ZNF536: variants seen among roughly 807,000 people sequenced by gnomAD.
ZNF536 encodes zinc finger protein 536.
Under a neutral mutation model 84.5 loss-of-function variants are expected in ZNF536, and 13 were observed. That is an observed-to-expected ratio of 0.15 (90% confidence interval 0.10 to 0.24). The LOEUF (loss-of-function observed/expected upper bound fraction) is 0.24. ZNF536 is among the 10% of genes least tolerant of loss of function. The pLI, the probability that ZNF536 is intolerant of heterozygous loss-of-function variation, is 1.00. For synonymous variants in ZNF536, 811 were observed against 742.5 expected (o/e 1.09, Z -1.50); for missense variants, 1,536 against 1,747.5 (o/e 0.88, Z 2.16).
chr19:30,458,314 TC>T (rs956326468), intron 2 of ZNF536, among the ~76,000 whole-genome samples: 18 of 152,172 alleles, frequency 1.2e-4, no homozygotes, highest in African/African-American at 4.3e-4. Context: ...TTTCAATGTT[TC>T]CCCCACCTTT....
chr19:30,601,696 G>A (rs1299328971), intron 1 of ZNF536, among the ~76,000 whole-genome samples: 1 of 152,172 alleles, frequency 6.6e-6, no homozygotes, highest in African/African-American at 2.4e-5. Context: ...CTAGCAGCAA[G>A]AGGCATAATT....
intron 1 of ZNF536, among the ~76,000 whole-genome samples, chr19:30,249,463 C>T (rs527687392): frequency 6.6e-6 from 1 of 152,220 alleles, no homozygotes; most frequent in Admixed American, 6.5e-5. Context: ...TTTACTGAAT[C>T]TTCAGCAGTC....
chr19:30,315,602 A>T (rs2046653050), intron 2 of ZNF536, among the ~76,000 whole-genome samples: 1 of 152,162 alleles, frequency 6.6e-6, no homozygotes, highest in Non-Finnish European at 1.5e-5. Context: ...AGTGTAGTTG[A>T]TTTCACTGAA....
At chr19:30,334,209 A>G (rs1600261399) in intron 2 of ZNF536, among the ~76,000 whole-genome samples, 1 of 152,220 alleles carries the variant, frequency 6.6e-6, no homozygotes, top group East Asian at 1.9e-4. Flanking sequence ...TGCATGTAGA[A>G]AGAGTCATGA....
At chr19:30,698,255 G>A (rs2051745774) in intron 1 of ZNF536, among the ~76,000 whole-genome samples, 1 of 150,824 alleles carries the variant, frequency 6.6e-6, no homozygotes, top group Non-Finnish European at 1.5e-5. Context: ...CTGCGCCACT[G>A]TACTCCAGCC....
At chr19:30,457,246 G>A (rs915453883) in intron 2 of ZNF536, among the ~76,000 whole-genome samples, 2 of 152,176 alleles carry the variant, frequency 1.3e-5, no homozygotes, top group African/African-American at 2.4e-5. Flanking sequence ...TTAGCTCAGC[G>A]ACTTCTTTGG....
chr19:30,367,396 A>G (rs1208000064), upstream of ZNF536, among the ~76,000 whole-genome samples: 2 of 152,202 alleles, frequency 1.3e-5, no homozygotes, highest in Admixed American at 6.5e-5. Context: ...TCATCTGACT[A>G]CCAAAGCCAT....
chr19:30,519,081 C>T (rs1302487244), intron 2 of ZNF536, among the ~76,000 whole-genome samples: 2 of 152,222 alleles, frequency 1.3e-5, no homozygotes, highest in Non-Finnish European at 2.9e-5. Flanking sequence ...CCAGGCAGAA[C>T]GAACGGCCTG....
Position 30,399,679 on chromosome 19 carries a change from G to GTTT in ZNF536, c.-3+27139_-3+27141dup, listed in dbSNP as rs71171801. Among the ~76,000 whole-genome samples, 567 of 112,828 alleles carry GTTT rather than the reference G, an allele frequency of 5.0e-3. 17 individuals are homozygous for GTTT. Among genetic ancestry groups the GTTT allele is most frequent in the East Asian group, 0.032 (128 of 4,050 alleles). 74.0% of individuals were successfully genotyped at this position (112,828 alleles called of 152,430 possible). On this transcript the variant is annotated intron_variant, in intron 1 of 4. Transcript: ENST00000355537. ...CAACACCATTTATTAAATAAGAAAT[G>GTTT]TTTTTTTTTTTTTTTTTTGAGATGG... is the stretch of plus-strand genomic sequence containing the variant.
chr19:30,436,579 TGAAA>T, intron 1 of ZNF536: 1 of 883,942 alleles, frequency 1.1e-6, no homozygotes, highest in Non-Finnish European at 1.4e-6. Context: ...TTAATGACCC[TGAAA>T]AGGTTCAGTA....
intron 1 of ZNF536, among the ~76,000 whole-genome samples, chr19:30,589,266 C>T (rs1244237702): frequency 8.5e-5 from 13 of 152,158 alleles, no homozygotes; most frequent in Admixed American, 7.2e-4. Flanking sequence ...CTGCATTGCC[C>T]GAGGTCCCTC....
intron 2 of ZNF536, among the ~76,000 whole-genome samples, chr19:30,317,512 G>T (rs1335809818): frequency 6.6e-6 from 1 of 152,166 alleles, no homozygotes; most frequent in Non-Finnish European, 1.5e-5. Context: ...CGAGGAGTGG[G>T]TGCCTCTGTT....
chr19:30,708,076 T>G (rs34819865), intron 1 of ZNF536, among the ~76,000 whole-genome samples: 47,629 of 150,888 alleles, frequency 0.32, 7,691 homozygotes, highest in East Asian at 0.43. Flanking sequence ...GATACAAGAA[T>G]ATAATTAATA....
upstream of ZNF536, among the ~76,000 whole-genome samples, chr19:30,370,096 C>T (rs1437938764): frequency 6.6e-6 from 1 of 152,170 alleles, no homozygotes; most frequent in Non-Finnish European, 1.5e-5. Flanking sequence ...TTAGAGAAGG[C>T]AGACACTTCA....
At chr19:30,570,212 T>C (rs866334482) in intron 1 of ZNF536, among the ~76,000 whole-genome samples, 11 of 152,164 alleles carry the variant, frequency 7.2e-5, no homozygotes, top group Admixed American at 1.3e-4. Flanking sequence ...GCCATGCAGC[T>C]CACACCACGG....
intron 2 of ZNF536, among the ~76,000 whole-genome samples, chr19:30,324,696 TTG>T (rs1435076187): frequency 6.6e-6 from 1 of 152,230 alleles, no homozygotes; most frequent in Non-Finnish European, 1.5e-5. Context: ...CTGACTTTCC[TTG>T]TGTTCTAATG....
intron 1 of ZNF536, among the ~76,000 whole-genome samples, chr19:30,266,483 G>T (rs1434852735): frequency 6.6e-6 from 1 of 152,144 alleles, no homozygotes; most frequent in East Asian, 1.9e-4. Flanking sequence ...GTTGGCATAT[G>T]TTTAATTATT....
At chr19:30,374,596 G>A (rs2048735217) in intron 1 of ZNF536, among the ~76,000 whole-genome samples, 1 of 152,160 alleles carries the variant, frequency 6.6e-6, no homozygotes, top group African/African-American at 2.4e-5. Context: ...GTGCCCACCA[G>A]AAGGTGCCCG....
At chr19:30,584,583 T>A (rs2047033041) in intron 1 of ZNF536, among the ~76,000 whole-genome samples, 1 of 152,196 alleles carries the variant, frequency 6.6e-6, no homozygotes, top group Non-Finnish European at 1.5e-5. Context: ...CAAAATGCCC[T>A]CCAGCTTCTC....
Sources: gnomAD v4.1 joint callset for allele counts (sites outside exome capture counted in the v4.1 genomes callset) on GRCh38, gnomAD v4.1.1 for gene constraint, MANE v1.5 for transcripts, NCBI Gene and HGNC (gene_info 2026-07-23, HGNC 2026-07-21) for gene names.